Variants in ADAMTSL1 observed in about 807,000 individuals in gnomAD.
The protein encoded by ADAMTSL1 is ADAMTS-like protein 1.
A neutral mutation model predicts 201.8 loss-of-function variants in ADAMTSL1; 126 were observed. The observed-to-expected ratio is 0.62, with a 90% CI of 0.54 to 0.72. The LOEUF (loss-of-function observed/expected upper bound fraction) is 0.72, where lower values mean the gene tolerates loss of function less well. Among genes scored for constraint, ADAMTSL1 ranks in the 30% least tolerant of loss-of-function variants. The pLI, the probability that ADAMTSL1 is intolerant of heterozygous loss-of-function variation, is 0.00. For missense variants in ADAMTSL1, 2,679 were observed against 2,277.8 expected, an observed-to-expected ratio of 1.18 and a Z score of -3.59; for synonymous variants, 1,121 against 903.4, an observed-to-expected ratio of 1.24 and a Z score of -4.32.
intron 4 of ADAMTSL1, among the ~76,000 whole-genome samples, chr9:18,618,568 G>T (rs1486675394): frequency 1.4e-5 from 2 of 146,960 alleles, no homozygotes; most frequent in East Asian, 2.0e-4. Context: ...ACACATAAAA[G>T]ATTTATTCTC....
rs1024871729 is a variant in ADAMTSL1 at position 18,638,162 on chromosome 9, A to G, written c.677-1092A>G. On this transcript the variant is annotated intron_variant, in intron 6 of 28. Coordinates refer to ENST00000380548, the MANE Select transcript of ADAMTSL1 (RefSeq NM_001040272.6). ...GCCTACTCCAGAAGAAAGTCTCCAC[A>G]GACTTCATTTGAGAATCACTGGGCA... Among the ~76,000 whole-genome samples the G allele has an allele frequency of 2.6e-5, 4 of 152,214 alleles. No homozygotes were observed. In the South Asian group the frequency reaches 8.3e-4, roughly 32 times the overall value.
intron 23 of ADAMTSL1, among the ~76,000 whole-genome samples, chr9:18,879,378 C>G (rs192785607): frequency 6.6e-6 from 1 of 152,138 alleles, no homozygotes; most frequent in Non-Finnish European, 1.5e-5. Context: ...AGTAACAACA[C>G]CAGGATTTTT....
chr9:18,777,601 G>C lies in ADAMTSL1; in HGVS notation c.3372G>C (p.Glu1124Asp). 6.2e-7 allele frequency: 1 copy of C among 1,613,162 alleles called. No homozygotes were observed. Residue 1124 changes from glutamate (E) to aspartate (D), a missense_variant, in exon 19 of 29, where the codon GAG becomes GAC. Coordinates refer to ENST00000380548, the MANE Select transcript of ADAMTSL1 (RefSeq NM_001040272.6). ...EHQDTLLKPS[E>D]RRTSPVTLSP... is the part of the protein sequence containing the mutation. Reference sequence around the variant, plus strand: ...AGGACACGCTCCTGAAGCCCTCGGAGCGCAGGACTTCCCCAGTGACTCTCT... The same window carrying C: ...AGGACACGCTCCTGAAGCCCTCGGACCGCAGGACTTCCCCAGTGACTCTCT...
chr9:18,171,915 A>G (rs1412118760), intron 2 of ADAMTSL1, among the ~76,000 whole-genome samples: 1 of 152,090 alleles, frequency 6.6e-6, no homozygotes, highest in Non-Finnish European at 1.5e-5. Context: ...CAATTTTCCC[A>G]ACACCATTTA....
At chr9:18,710,795 A>C (rs931706117) in intron 14 of ADAMTSL1, among the ~76,000 whole-genome samples, 1 of 149,450 alleles carries the variant, frequency 6.7e-6, no homozygotes, top group Non-Finnish European at 1.5e-5. Context: ...TCCTTGTTGG[A>C]TGGACACAAT....
intron 1 of ADAMTSL1, among the ~76,000 whole-genome samples, chr9:17,920,877 C>T (rs1276788509): frequency 6.6e-6 from 1 of 152,188 alleles, no homozygotes; most frequent in Non-Finnish European, 1.5e-5. Context: ...TTTACAAAAC[C>T]AGGCAAGAGG....
intron 2 of ADAMTSL1, among the ~76,000 whole-genome samples, chr9:18,531,995 T>G (rs1819472346): frequency 6.6e-6 from 1 of 152,210 alleles, no homozygotes; most frequent in Non-Finnish European, 1.5e-5. Context: ...CTCTCCGGGT[T>G]TTTGAGAATA....
At chr9:18,359,330 C>T (rs957130007) in intron 2 of ADAMTSL1, among the ~76,000 whole-genome samples, 3 of 152,116 alleles carry the variant, frequency 2.0e-5, no homozygotes, top group Admixed American at 6.6e-5. Context: ...CCCCAGAATC[C>T]GATGCTGTCC....
chr9:18,054,503 G>C (rs1822083381), intron 1 of ADAMTSL1, among the ~76,000 whole-genome samples: 1 of 152,318 alleles, frequency 6.6e-6, no homozygotes, highest in East Asian at 1.9e-4. Context: ...GTCTGTATGT[G>C]TGTTGGAGTG....
rs527842402 is a variant in ADAMTSL1, at chr9:18,051,992, C to G, written c.88-111870C>G. The stretch of plus-strand genomic sequence containing the variant: ...TCATGGAGTAGTCATTAACAAATTT[C>G]TCTTTTCTTGACACTTTGTTACAAA... On this transcript the variant is annotated intron_variant, in intron 1 of 29. Transcript: ENST00000680146. Among the ~76,000 whole-genome samples the G allele has an allele frequency of 3.3e-5, 5 of 152,350 alleles. No homozygotes were observed. In the South Asian group the frequency reaches 6.2e-4, roughly 19 times the overall value.
chr9:18,493,395 C>T (rs1822362193), intron 1 of ADAMTSL1, among the ~76,000 whole-genome samples: 1 of 152,152 alleles, frequency 6.6e-6, no homozygotes, highest in Non-Finnish European at 1.5e-5. Flanking sequence ...TTTAATTAAG[C>T]CAGGACTTCC....
chr9:17,965,907 C>A (rs1425097347), intron 1 of ADAMTSL1, among the ~76,000 whole-genome samples: 2 of 152,144 alleles, frequency 1.3e-5, no homozygotes, highest in Non-Finnish European at 2.9e-5. Flanking sequence ...CTGATGATGG[C>A]ACATCTACTA....
chr9:18,326,878 T>C (rs1007178878), intron 2 of ADAMTSL1, among the ~76,000 whole-genome samples: 9 of 152,234 alleles, frequency 5.9e-5, no homozygotes, highest in Non-Finnish European at 1.0e-4. Flanking sequence ...AAGTGAAATA[T>C]GACCTGTTGC....
At chr9:18,390,224 T>TA (rs927768019) in intron 2 of ADAMTSL1, among the ~76,000 whole-genome samples, 110 of 151,650 alleles carry the variant, frequency 7.3e-4, no homozygotes, top group African/African-American at 2.4e-3. Context: ...TCCATAAGAT[T>TA]AAAAAAAAAT....
At chr9:18,820,422 A>G (rs922464206) in intron 21 of ADAMTSL1, among the ~76,000 whole-genome samples, 17 of 152,220 alleles carry the variant, frequency 1.1e-4, no homozygotes, top group Non-Finnish European at 1.9e-4. Flanking sequence ...AGAAAAATTT[A>G]AGAGTCCAAA....
At chr9:18,482,864 GT>G (rs1821798516) in intron 1 of ADAMTSL1, among the ~76,000 whole-genome samples, 1 of 152,242 alleles carries the variant, frequency 6.6e-6, no homozygotes, top group Admixed American at 6.5e-5. Context: ...GAACTAGCCG[GT>G]TCTTTTTTTC....
At chr9:18,691,157 G>C (rs1048025347) in intron 13 of ADAMTSL1, among the ~76,000 whole-genome samples, 4 of 152,120 alleles carry the variant, frequency 2.6e-5, no homozygotes, top group East Asian at 1.9e-4. Context: ...GATTTAAAAA[G>C]GAGTTCAGGA....
chr9:17,952,383 A>C (rs940686077), intron 1 of ADAMTSL1, among the ~76,000 whole-genome samples: 1 of 152,008 alleles, frequency 6.6e-6, no homozygotes, highest in Non-Finnish European at 1.5e-5. Context: ...TCCATGTGGT[A>C]ATTTTTTGTT....
intron 7 of ADAMTSL1, among the ~76,000 whole-genome samples, chr9:18,647,808 T>G (rs1827919067): frequency 6.6e-6 from 1 of 151,800 alleles, no homozygotes; most frequent in South Asian, 2.1e-4. Context: ...TACTTCCAAG[T>G]ATGTGGTCAA....
Sources: allele counts gnomAD v4.1 joint callset (sites outside exome capture counted in the v4.1 genomes callset), GRCh38; gene constraint gnomAD v4.1.1; transcripts MANE v1.5; gene names NCBI Gene and HGNC (gene_info 2026-07-23, HGNC 2026-07-21).